Variants in DERA observed in about 807,000 individuals in gnomAD.
The protein encoded by DERA is deoxyribose-phosphate aldolase.
Under a neutral mutation model 41.1 loss-of-function variants are expected in DERA, and 15 were observed. The observed-to-expected ratio is 0.37, with a 90% CI of 0.24 to 0.56. The LOEUF (loss-of-function observed/expected upper bound fraction) is 0.56. Ranked by LOEUF, DERA falls within the 20% of genes least tolerant of loss-of-function variation. DERA has a pLI of 0.81. For missense variants in DERA, 396 were observed against 403.4 expected, an observed-to-expected ratio of 0.98 and a Z score of 0.16; for synonymous variants, 139 against 137.4, an observed-to-expected ratio of 1.01 and a Z score of -0.08.
chr12:15,968,833 G>T (rs1948641305), intron 5 of DERA, among the ~76,000 whole-genome samples: 1 of 152,168 alleles, frequency 6.6e-6, no homozygotes, highest in Non-Finnish European at 1.5e-5. Flanking sequence ...ATGATGGTCT[G>T]TTGTCAAGGG....
rs368958294 is a variant in DERA, at chr12:16,036,116, A to AT, written c.751-108dup. 1.2e-3 allele frequency: 1,222 copies of AT among 1,027,884 alleles called. No homozygotes were observed. Among genetic ancestry groups the AT allele is most frequent in the African/African-American group, 6.8e-3 (409 of 59,718 alleles). 63.7% of individuals were successfully genotyped at this position (1,027,884 alleles called of 1,614,324 possible). On this transcript the variant is annotated intron_variant, in intron 7 of 8. Transcript: ENST00000428559. This position sits in a 1 kb window ranked among gnomAD's most constrained non-coding sequence, Gnocchi z 4.9. ...CCCTTTCACTGGATGAAGTGAAAAGATTTTTTTTCAACAAAAGAGGGAGAG... is the reference window on the plus strand; with the variant it reads ...CCCTTTCACTGGATGAAGTGAAAAGATTTTTTTTTCAACAAAAGAGGGAGAG...
In DERA at chr12:16,020,809, G is replaced by A. The variant is rs1427275134; in HGVS notation, c.638-11733G>A. 6.6e-6 allele frequency among the ~76,000 whole-genome samples: 1 copy of A among 152,148 alleles called. No individual in the cohort carries two copies. The highest frequency in any genetic ancestry group is 1.5e-5 in the Non-Finnish European group (1 of 68,026). On this transcript the variant is annotated intron_variant, in intron 6 of 8. Transcript: ENST00000428559. This position sits in a 1 kb window ranked among gnomAD's most constrained non-coding sequence, Gnocchi z 5.5. Reference sequence around the variant, plus strand: ...CTGTTATGTCCTAGTAAAGAACTTGGCTGCATTATGTTCATGCCCTAGGGA... The same window carrying A: ...CTGTTATGTCCTAGTAAAGAACTTGACTGCATTATGTTCATGCCCTAGGGA...
rs1444683583 is a variant in DERA, at chr12:16,026,270, G to A, written c.638-6272G>A. 6.0e-5 allele frequency among the ~76,000 whole-genome samples: 9 copies of A among 149,714 alleles called. No homozygotes were observed. Among genetic ancestry groups the A allele is most frequent in the Non-Finnish European group, 8.9e-5 (6 of 67,420 alleles). The stretch of plus-strand genomic sequence containing the variant: ...AAGCTACTTTTTTTTTTCTCCCCCC[G>A]TAAGATTGGTAAACAGCTAGCTAGG... On this transcript the variant is annotated intron_variant, in intron 6 of 8. Transcript: ENST00000428559. This position sits in a 1 kb window ranked among gnomAD's most constrained non-coding sequence, Gnocchi z 4.4.
chr12:15,920,018 G>A (rs981128930), intron 1 of DERA, among the ~76,000 whole-genome samples: 8 of 148,882 alleles, frequency 5.4e-5, no homozygotes, highest in Non-Finnish European at 8.8e-5. Context: ...GAGAGAAAGA[G>A]AGAGAGAGGG....
intron 1 of DERA, among the ~76,000 whole-genome samples, chr12:15,923,233 G>A (rs1332280780): frequency 2.6e-5 from 4 of 151,116 alleles, no homozygotes; most frequent in Non-Finnish European, 3.0e-5. Flanking sequence ...CGTTTTAGCC[G>A]GGATGGTCTC....
In DERA at chr12:15,962,877, T is replaced by C; in HGVS notation, c.438T>C (p.Ala146=). The C allele has an allele frequency of 6.3e-7, 1 of 1,583,560 alleles. No homozygotes were observed. The highest frequency in any genetic ancestry group is 8.6e-7 in the Non-Finnish European group (1 of 1,163,500). Residue 146 remains alanine, a synonymous_variant, in exon 5 of 9, where the codon GCT becomes GCC. Transcript: ENST00000428559. ...LKTRLEEIRL[A]VEDGATEIDV... ...CACGATTAGAAGAGATCAGATTGGC[T>C]GTGGAAGATGGAGCTACAGAAATCG...
At chr12:16,023,626 CGCCACTACGCCCG>C (rs1565617154) in intron 6 of DERA, among the ~76,000 whole-genome samples, 1 of 151,152 alleles carries the variant, frequency 6.6e-6, no homozygotes, top group East Asian at 1.9e-4. Flanking sequence ...TACAGGCGCC[CGCCACTACGCCCG>C]GCTAATTTTT....
At chr12:16,033,419 A>G (rs1013277486) in intron 7 of DERA, among the ~76,000 whole-genome samples, 50 of 152,208 alleles carry the variant, frequency 3.3e-4, no homozygotes, top group African/African-American at 1.1e-3. Flanking sequence ...CAGCTTTTCG[A>G]AAAATGATAC....
rs1209837329 is a variant in DERA, at chr12:15,940,588, T to A, written c.32-16348T>A. ...AGATGGTCTTGATCTCCTGACCTCG[T>A]GATCTGCCCTCCTCGACCTCCCAAA... On this transcript the variant is annotated intron_variant, in intron 1 of 8. Coordinates refer to ENST00000428559, the MANE Select transcript of DERA (RefSeq NM_015954.4). The surrounding 1 kb of genome is among the most constrained non-coding windows in gnomAD (Gnocchi z 5.1). 6.6e-6 allele frequency among the ~76,000 whole-genome samples: 1 copy of A among 152,164 alleles called. No homozygotes were observed. The highest frequency in any genetic ancestry group is 1.5e-5 in the Non-Finnish European group (1 of 68,038).
intron 1 of DERA, among the ~76,000 whole-genome samples, chr12:15,946,859 A>G (rs1948453886): frequency 6.6e-6 from 1 of 152,158 alleles, no homozygotes; most frequent in Admixed American, 6.5e-5. Flanking sequence ...TCCTGTGGGC[A>G]TTTAGTGCTA....
At chr12:16,023,467 CAA>C (rs1345315186) in intron 6 of DERA, among the ~76,000 whole-genome samples, 8 of 146,564 alleles carry the variant, frequency 5.5e-5, no homozygotes, top group Non-Finnish European at 1.2e-4. Flanking sequence ...AAAAAAAACT[CAA>C]AGTCTTTTTT....
Position 15,958,176 on chromosome 12 carries a change from T to C in DERA, c.130-12T>C, listed in dbSNP as rs1183938921. Reference sequence around the variant, plus strand: ...ATTAAATTTACTTTGTTTTCACTTTTGTTTAAACCAGGCTGCTTGGCTCCT... The same window carrying C: ...ATTAAATTTACTTTGTTTTCACTTTCGTTTAAACCAGGCTGCTTGGCTCCT... On this transcript the variant is annotated splice_polypyrimidine_tract_variant and intron_variant, in intron 2 of 8. Transcript: ENST00000428559. 1 of 1,530,172 alleles carries C rather than the reference T, an allele frequency of 6.5e-7. No homozygotes were observed. Among genetic ancestry groups the C allele is most frequent in the Non-Finnish European group, 8.8e-7 (1 of 1,140,836 alleles). 94.8% of individuals were successfully genotyped at this position (1,530,172 alleles called of 1,614,324 possible).
Position 15,936,163 on chromosome 12 carries a change from C to G in DERA, c.32-20773C>G, listed in dbSNP as rs1592006084. Among the ~76,000 whole-genome samples, 1 of 152,300 alleles carries G rather than the reference C, an allele frequency of 6.6e-6. No homozygotes were observed. The highest frequency in any genetic ancestry group is 2.4e-5 in the African/African-American group (1 of 41,566). ...ACAATCTCCACTTGGTTACATAGGT[C>G]AGCTCTGTTAATTATGGAAGGGGCA... On this transcript the variant is annotated intron_variant, in intron 1 of 8. Transcript: ENST00000428559. The surrounding 1 kb of genome is among the most constrained non-coding windows in gnomAD (Gnocchi z 4.6).
intron 7 of DERA, among the ~76,000 whole-genome samples, chr12:16,034,055 T>C (rs1949111274): frequency 6.6e-6 from 1 of 152,326 alleles, no homozygotes; most frequent in South Asian, 2.1e-4. Context: ...TTCTCATTCT[T>C]AGCCAAAGAA....
chr12:16,015,259 G>T (rs1170086099), intron 6 of DERA, among the ~76,000 whole-genome samples: 1 of 152,174 alleles, frequency 6.6e-6, no homozygotes, highest in Non-Finnish European at 1.5e-5. Context: ...GTTAGGCTTT[G>T]TATCCCCACC....
rs1948877622 is a variant in DERA at position 16,001,922 on chromosome 12, GC to G, written c.637+19488del. 6.6e-6 allele frequency among the ~76,000 whole-genome samples: 1 copy of G among 152,130 alleles called. No individual in the cohort carries two copies. Among genetic ancestry groups the G allele is most frequent in the East Asian group, 1.9e-4 (1 of 5,202 alleles). On this transcript the variant is annotated intron_variant, in intron 6 of 8. Transcript: ENST00000428559. This position sits in a 1 kb window ranked among gnomAD's most constrained non-coding sequence, Gnocchi z 4.1. ...TTTCAGACAAAATACTGCTTTCTTT[GC>G]CTAATCAAGTAAAGTTAGGATAATG...
At chr12:15,962,770 C>T in intron 4 of DERA, 43 bp from the exon 5 acceptor site, 3 of 1,461,990 alleles carry the variant, frequency 2.1e-6, no homozygotes, top group Non-Finnish European at 2.8e-6. Context: ...TTTCTTTCTT[C>T]CCTCCTTCCC....
rs1007502348 is a variant in DERA, at chr12:16,036,592, G to C, written c.901-98G>C. ...TACTAGTGAGGCTTTCTAATGAAAT[G>C]TTCATTAAAACTATTTATTATTATT... is the stretch of plus-strand genomic sequence containing the variant. On this transcript the variant is annotated intron_variant, in intron 8 of 8. Transcript: ENST00000428559. The surrounding 1 kb of genome is among the most constrained non-coding windows in gnomAD (Gnocchi z 4.9). 9.5e-7 allele frequency: 1 copy of C among 1,055,772 alleles called. No homozygotes were observed. The highest frequency in any genetic ancestry group is 1.4e-6 in the Non-Finnish European group (1 of 721,098). 65.4% of individuals were successfully genotyped at this position (1,055,772 alleles called of 1,614,324 possible). A position where few individuals can be genotyped will look rare whatever the true frequency, so the allele number is the denominator to read the frequency against.
intron 1 of DERA, among the ~76,000 whole-genome samples, chr12:15,916,938 A>C (rs1346401228): frequency 6.6e-6 from 1 of 152,194 alleles, no homozygotes; most frequent in African/African-American, 2.4e-5. Flanking sequence ...AAAAAAATTA[A>C]GTAGAAATAG....
Sources: gnomAD v4.1 joint callset for allele counts (sites outside exome capture counted in the v4.1 genomes callset) on GRCh38, gnomAD v4.1.1 for gene constraint, Gnocchi (gnomAD v3.1) non-coding constraint, MANE v1.5 for transcripts, NCBI Gene and HGNC (gene_info 2026-07-23, HGNC 2026-07-21) for gene names.